PPP1R12C: variants seen among roughly 807,000 people sequenced by gnomAD.
The protein encoded by PPP1R12C is protein phosphatase 1 regulatory subunit 12C, also known as leukocyte receptor cluster (LRC) encoded novel gene 3.
Under a neutral mutation model 95.6 loss-of-function variants are expected in PPP1R12C, and 48 were observed. The ratio of observed to expected loss-of-function variants is 0.50; its 90% CI spans 0.40 to 0.64. PPP1R12C has a LOEUF of 0.64. PPP1R12C is among the 30% of genes least tolerant of loss of function. The pLI is 0.00. For missense variants in PPP1R12C, 1,057 were observed against 1,083.3 expected (o/e 0.98, Z 0.34); for synonymous variants, 480 against 460.8 (o/e 1.04, Z -0.53).
Position 55,091,908 on chromosome 19 carries a change from C to T in PPP1R12C, c.2162G>A (p.Arg721Lys). The T allele has an allele frequency of 1.2e-6, 2 of 1,613,204 alleles. No individual in the cohort carries two copies. The highest frequency in any genetic ancestry group is 1.1e-5 in the South Asian group (1 of 91,090). Residue 721 changes from arginine (R) to lysine (K), a missense_variant and splice_region_variant, in exon 20 of 22, where the codon AGG (arginine) becomes AAG (lysine). By Grantham distance (26) the Arg-to-Lys change is conservative. Coordinates refer to ENST00000263433, the MANE Select transcript of PPP1R12C (RefSeq NM_017607.4). ...LKVELERATQ[R>K]QERFAERPAL... The stretch of plus-strand genomic sequence containing the variant: ...TGGCCTCTCAGCGAAGCGTTCTTGC[C>T]TCTGGTGAGGACACAGAAAGCACAG...
chr19:55,117,214 G>A lies in PPP1R12C; in HGVS notation c.321+9C>T, dbSNP rs1299879834. 34 of 1,222,710 alleles carry A rather than the reference G, an allele frequency of 2.8e-5. No individual in the cohort carries two copies. Among genetic ancestry groups the A allele is most frequent in the Non-Finnish European group, 3.3e-5 (32 of 981,966 alleles). 75.7% of individuals were successfully genotyped at this position (1,222,710 alleles called of 1,614,324 possible). On this transcript the variant is annotated intron_variant, in intron 1 of 21. Coordinates refer to ENST00000263433, the MANE Select transcript of PPP1R12C (RefSeq NM_017607.4). ...TGGCCCCGGGAGACGCCGGGCGGGG[G>A]GCGCTGACCTGGTGCAGGGCGCTGA...
chr19:55,105,926 C>G (rs889313511), intron 3 of PPP1R12C, among the ~76,000 whole-genome samples: 2 of 150,778 alleles, frequency 1.3e-5, no homozygotes, highest in Non-Finnish European at 2.9e-5. Flanking sequence ...TGGGAGGCAG[C>G]GTGAGATCCT....
rs1387001727 is a variant in PPP1R12C at position 55,096,078 on chromosome 19, C to T, written c.1126G>A (p.Glu376Lys). 4 of 1,608,558 alleles carry T rather than the reference C, an allele frequency of 2.5e-6. No individual in the cohort carries two copies. Among genetic ancestry groups the T allele is most frequent in the African/African-American group, 1.3e-5 (1 of 74,690 alleles). The change falls in exon 8 of 22, where the codon GAG (glutamate) becomes AAG (lysine). Residue 376 changes from glutamate (E) to lysine (K), a missense_variant. Around this residue, in one of 5 missense-constraint regions of PPP1R12C, gnomAD observed 356 missense variants for 330.5 expected, o/e 1.08. Transcript: ENST00000263433. Reference sequence around the variant, plus strand: ...GTGGGACCTTCTTCCCCCTCATCCTCGTCCTGGATGGGGGGCCCCCCAGCC... The same window carrying T: ...GTGGGACCTTCTTCCCCCTCATCCTTGTCCTGGATGGGGGGCCCCCCAGCC... Reference protein sequence around the residue: ...GGAGGPPIQDEDEGEEGPTEP... With the variant: ...GGAGGPPIQDKDEGEEGPTEP...
At chr19:55,111,057 A>T (rs929019937) in intron 3 of PPP1R12C, among the ~76,000 whole-genome samples, 1 of 145,862 alleles carries the variant, frequency 6.9e-6, no homozygotes, top group African/African-American at 2.5e-5. Flanking sequence ...TTAAAAGCTG[A>T]TGATTCTATA....
intron 19 of PPP1R12C, 142 bp downstream of exon 19, chr19:55,092,080 T>C: frequency 1.8e-6 from 2 of 1,085,604 alleles, no homozygotes; most frequent in South Asian, 3.0e-5. Context: ...TCGCTCAGAC[T>C]CCGCCTCCGA....
chr19:55,112,327 T>C, intron 3 of PPP1R12C, 140 bp downstream of exon 3: 2 of 732,556 alleles, frequency 2.7e-6, no homozygotes, highest in East Asian at 2.7e-5. Context: ...ATTTCACAGG[T>C]GAGGAAACTG....
Position 55,092,848 on chromosome 19 carries a change from C to G in PPP1R12C, c.1846G>C (p.Gly616Arg). The stretch of plus-strand genomic sequence containing the variant: ...TCCCTGGCCGCCTGCGGTCCCGGAC[C>G]CTGCCCGTCGGGCGCCTCTGCTGGG... Reference protein sequence around the residue: ...AQRAEAPDGQGPGPQAAREHR... With the variant: ...AQRAEAPDGQRPGPQAAREHR... Residue 616 changes from glycine to arginine, a missense_variant, in exon 16 of 22, where the codon GGT becomes CGT. Gly to Arg is a moderately radical substitution (Grantham distance 125). Coordinates refer to ENST00000263433, the MANE Select transcript of PPP1R12C (RefSeq NM_017607.4). 3 of 1,577,428 alleles carry G rather than the reference C, an allele frequency of 1.9e-6. No individual in the cohort carries two copies. The highest frequency in any genetic ancestry group is 2.6e-6 in the Non-Finnish European group (3 of 1,162,210).
chr19:55,091,951 C>T (rs761327279), intron 19 of PPP1R12C, 42 bp from the exon 20 acceptor site: 1 of 1,608,464 alleles, frequency 6.2e-7, no homozygotes, highest in Non-Finnish European at 8.5e-7. Flanking sequence ...CAGAAGAAGC[C>T]AGCACTGCTC....
At position 55,091,319 on chromosome 19, in the gene PPP1R12C, G is replaced by A; in HGVS notation, c.*153C>T. ...CTCGGGTGGCCCCCTCGGCTCCTGG[G>A]GACTCTGCTCCCCTCCCAGTCCGGA... On this transcript the variant is annotated 3_prime_UTR_variant, in exon 22 of 22. Coordinates refer to ENST00000263433, the MANE Select transcript of PPP1R12C (RefSeq NM_017607.4). The A allele has an allele frequency of 2.4e-6, 2 of 824,578 alleles. No individual in the cohort carries two copies. The highest frequency in any genetic ancestry group is 2.7e-5 in the East Asian group (1 of 37,252). The allele number at this position is 824,578 out of a possible 1,614,324, so 51.1% of individuals were successfully genotyped here.
At chr19:55,098,177 C>G (rs1377108208) in intron 6 of PPP1R12C, among the ~76,000 whole-genome samples, 1 of 152,232 alleles carries the variant, frequency 6.6e-6, no homozygotes, top group Non-Finnish European at 1.5e-5. Context: ...GGCACGTACT[C>G]CCCCGAGCTC....
intron 4 of PPP1R12C, among the ~76,000 whole-genome samples, chr19:55,101,773 G>A (rs2084982314): frequency 6.6e-6 from 1 of 152,202 alleles, no homozygotes; most frequent in Non-Finnish European, 1.5e-5. Context: ...GTCAGCAACA[G>A]AGCTGGGACT....
chr19:55,108,899 T>A (rs1250480890), intron 3 of PPP1R12C, among the ~76,000 whole-genome samples: 1 of 151,984 alleles, frequency 6.6e-6, no homozygotes, highest in African/African-American at 2.4e-5. Context: ...AGAGACAGAG[T>A]TTCTCCATGT....
chr19:55,091,095 T>G lies in PPP1R12C; in HGVS notation c.*377A>C. 3.5e-6 allele frequency: 1 copy of G among 283,360 alleles called. No homozygotes were observed. Among genetic ancestry groups the G allele is most frequent in the Non-Finnish European group, 6.8e-6 (1 of 146,570 alleles). 17.6% of individuals were successfully genotyped at this position (283,360 alleles called of 1,614,324 possible). ...TGAGGCTGGCGGGACTCTTGGCACA[T>G]TCTTGGATCCCTGCTCAGGAGGGGA... On this transcript the variant is annotated 3_prime_UTR_variant, in exon 22 of 22. Coordinates refer to ENST00000263433, the MANE Select transcript of PPP1R12C (RefSeq NM_017607.4).
At chr19:55,092,034 A>G (rs1180796185) in intron 19 of PPP1R12C, 125 bp from the exon 20 acceptor site, 3 of 1,272,842 alleles carry the variant, frequency 2.4e-6, no homozygotes, top group East Asian at 4.8e-5. Flanking sequence ...CCCACGGGCC[A>G]GGCCCCGCCA....
At chr19:55,111,036 C>A (rs2147209618) in intron 3 of PPP1R12C, among the ~76,000 whole-genome samples, 1 of 150,768 alleles carries the variant, frequency 6.6e-6, no homozygotes, top group East Asian at 2.0e-4. Flanking sequence ...GAACACAAAT[C>A]TATCAAAAAG....
At chr19:55,100,205 GC>G (rs1042185488) in intron 4 of PPP1R12C, among the ~76,000 whole-genome samples, 2 of 151,920 alleles carry the variant, frequency 1.3e-5, no homozygotes, top group Admixed American at 6.6e-5. Flanking sequence ...TGACCCCAAA[GC>G]CCCTCCTCAT....
At chr19:55,100,283 G>GC (rs768369514) in intron 4 of PPP1R12C, among the ~76,000 whole-genome samples, 2 of 152,098 alleles carry the variant, frequency 1.3e-5, no homozygotes, top group East Asian at 1.9e-4. Context: ...GGGCAATGCT[G>GC]CCCCCCAGGG....
At position 55,095,905 on chromosome 19, in the gene PPP1R12C, C is replaced by A. The variant is rs182130382; in HGVS notation, c.1189G>T (p.Val397Phe). 647 of 1,613,352 alleles carry A rather than the reference C, an allele frequency of 4.0e-4. No homozygotes were observed. Among genetic ancestry groups the A allele is most frequent in the Non-Finnish European group, 4.9e-4 (583 of 1,179,924 alleles). Reference protein sequence around the residue: ...PPAEPRTLNGVSSPPHPSPKS... With the variant: ...PPAEPRTLNGFSSPPHPSPKS... ...GGGCTGGGGTGCGGCGGGGAGGAGA[C>A]GCCATTGAGGGTTCTGGGTTCTGCA... The change falls in exon 9 of 22, where the codon GTC (valine) becomes TTC (phenylalanine). Residue 397 changes from valine (V) to phenylalanine (F), a missense_variant. Physicochemically the swap from Val to Phe is conservative, Grantham distance 50. Around this residue, in one of 5 missense-constraint regions of PPP1R12C, gnomAD observed 356 missense variants for 330.5 expected, o/e 1.08. Coordinates refer to ENST00000263433, the MANE Select transcript of PPP1R12C (RefSeq NM_017607.4).
intron 3 of PPP1R12C, among the ~76,000 whole-genome samples, chr19:55,105,768 A>C (rs1356221231): frequency 6.6e-6 from 1 of 152,060 alleles, no homozygotes; most frequent in East Asian, 1.9e-4. Flanking sequence ...CAACATAGGG[A>C]GACCTTGTCT....
Sources: allele counts gnomAD v4.1 joint callset (sites outside exome capture counted in the v4.1 genomes callset), GRCh38; gene constraint gnomAD v4.1.1; regional missense constraint gnomAD v4.1.1; transcripts MANE v1.5; gene names NCBI Gene and HGNC (gene_info 2026-07-23, HGNC 2026-07-21).